The following PCDH15 variants were observed in gnomAD, a reference collection of about 807,000 sequenced individuals.
PCDH15 encodes the protein protocadherin related 15.
A neutral mutation model predicts 178.5 loss-of-function variants in PCDH15; 129 were observed. The ratio of observed to expected loss-of-function variants is 0.72; its 90% CI spans 0.63 to 0.84. The LOEUF is 0.84. Among genes scored for constraint, PCDH15 ranks in the 40% least tolerant of loss-of-function variants. The probability of loss-of-function intolerance (pLI) is 0.00; values close to 1 mark genes in which losing one functional copy is unlikely to be tolerated. For synonymous variants in PCDH15, 800 were observed against 732.0 expected, an observed-to-expected ratio of 1.09 and a Z score of -1.50; for missense variants, 2,230 against 2,099.9, an observed-to-expected ratio of 1.06 and a Z score of -1.21.
intron 21 of PCDH15, among the ~76,000 whole-genome samples, chr10:53,967,486 G>C (rs901871415): frequency 6.6e-6 from 1 of 152,078 alleles, no homozygotes; most frequent in African/African-American, 2.4e-5. Flanking sequence ...TGCCCAGGTT[G>C]GTCCAGAACT....
chr10:53,980,761 C>T (rs1050684327), intron 21 of PCDH15, among the ~76,000 whole-genome samples: 4 of 152,142 alleles, frequency 2.6e-5, no homozygotes, highest in Admixed American at 6.6e-5. Context: ...AAAACAACAA[C>T]ACTAGTGACA....
At chr10:55,549,530 C>T (rs1048136754) in intron 2 of PCDH15, among the ~76,000 whole-genome samples, 1 of 152,064 alleles carries the variant, frequency 6.6e-6, no homozygotes, top group African/African-American at 2.4e-5. Flanking sequence ...ACACCACCAA[C>T]AGCACAGGGA....
At chr10:54,268,094 G>C (rs1268449114) in intron 8 of PCDH15, among the ~76,000 whole-genome samples, 2 of 151,712 alleles carry the variant, frequency 1.3e-5, no homozygotes, top group African/African-American at 4.8e-5. Flanking sequence ...TAGACCAATG[G>C]AACAGAATAG....
chr10:55,440,021 T>C (rs760925424), intron 2 of PCDH15, among the ~76,000 whole-genome samples: 1 of 152,172 alleles, frequency 6.6e-6, no homozygotes. Flanking sequence ...AGCTCACTTA[T>C]TAAAAACAAA....
chr10:53,894,357 G>A (rs1014693942), intron 26 of PCDH15, among the ~76,000 whole-genome samples: 3 of 152,142 alleles, frequency 2.0e-5, no homozygotes, highest in African/African-American at 7.2e-5. Flanking sequence ...AAAACATGAA[G>A]GAAACCAGAC....
chr10:54,814,613 C>T (rs534870463), intron 3 of PCDH15, among the ~76,000 whole-genome samples: 1 of 152,210 alleles, frequency 6.6e-6, no homozygotes, highest in East Asian at 1.9e-4. Context: ...CTGGTCAACA[C>T]TTTCTTCATC....
At chr10:54,338,577 G>A (rs541622419) in intron 6 of PCDH15, among the ~76,000 whole-genome samples, 2 of 152,136 alleles carry the variant, frequency 1.3e-5, no homozygotes, top group East Asian at 1.9e-4. Context: ...AAAGCTACGG[G>A]GAGTCAAACA....
In PCDH15 at chr10:54,152,684, CTGTG is replaced by C. The variant is rs553644491; in HGVS notation, c.1784+412_1784+415del. Among the ~76,000 whole-genome samples, 294 of 149,258 alleles carry C rather than the reference CTGTG, an allele frequency of 2.0e-3. 11 individuals carry two copies. In the South Asian group the frequency reaches 0.055, roughly 28 times the overall value. On this transcript the variant is annotated intron_variant, in intron 14 of 37. Coordinates refer to ENST00000644397, the MANE Select transcript of PCDH15 (RefSeq NM_001384140.1). ...TAATAGCAGGAAATCTTTTAGCTTG[CTGTG>C]TGTGTGTGTGTGTGTGTCTGTGTGC...
chr10:54,937,116 C>T (rs1837927423), intron 2 of PCDH15, among the ~76,000 whole-genome samples: 2 of 151,918 alleles, frequency 1.3e-5, no homozygotes, highest in Non-Finnish European at 2.9e-5. Context: ...ATTGAAATCT[C>T]GCAATACTCT....
chr10:54,301,237 A>T (rs1293760371), intron 8 of PCDH15, among the ~76,000 whole-genome samples: 2 of 152,194 alleles, frequency 1.3e-5, no homozygotes, highest in Non-Finnish European at 2.9e-5. Context: ...CCTAGGCTTC[A>T]TCCAAAACAT....
At chr10:54,077,409 TTTCC>T (rs1466478181) in intron 17 of PCDH15, among the ~76,000 whole-genome samples, 5 of 152,194 alleles carry the variant, frequency 3.3e-5, no homozygotes, top group Non-Finnish European at 7.3e-5. Context: ...TTGTGACTAT[TTTCC>T]TTCCATCTGT....
intron 3 of PCDH15, among the ~76,000 whole-genome samples, chr10:54,401,793 T>A (rs1373277938): frequency 6.6e-6 from 1 of 151,874 alleles, no homozygotes; most frequent in Non-Finnish European, 1.5e-5. Flanking sequence ...TATATGCCCA[T>A]AATTTATGAC....
intron 3 of PCDH15, among the ~76,000 whole-genome samples, chr10:54,511,660 C>T (rs541755142): frequency 4.0e-4 from 61 of 152,072 alleles, no homozygotes; most frequent in Non-Finnish European, 6.6e-4. Context: ...TCTTTGAACT[C>T]CTGGAATTTT....
chr10:54,385,270 A>T (rs962277184), intron 3 of PCDH15, among the ~76,000 whole-genome samples: 5 of 152,170 alleles, frequency 3.3e-5, no homozygotes, highest in South Asian at 2.1e-4. Context: ...AATCATTCAG[A>T]TTAACAATTC....
chr10:54,053,881 T>C (rs1278117965), intron 18 of PCDH15, among the ~76,000 whole-genome samples: 1 of 152,068 alleles, frequency 6.6e-6, no homozygotes, highest in East Asian at 1.9e-4. Flanking sequence ...GCTGTAGCAA[T>C]AGTTCAAGTG....
Position 53,959,793 on chromosome 10 carries a change from T to C in PCDH15, c.3061A>G (p.Thr1021Ala). ...GGATGTAAGACAAGAATCTTCACTG[T>C]GGCACTGCTGGACATCACAGGCTCC... is the stretch of plus-strand genomic sequence containing the variant. ...DGEPVMSSSA[T>A]VKILVLHPGE... Residue 1021 changes from threonine to alanine, a missense_variant, in exon 23 of 38, where the codon ACA (threonine) becomes GCA (alanine). Physicochemically the swap from Thr to Ala is moderately conservative, Grantham distance 58. Transcript: ENST00000644397. The C allele has an allele frequency of 6.2e-7, 1 of 1,614,150 alleles. No homozygotes were observed.
chr10:54,069,830 G>T (rs936626152), intron 17 of PCDH15, among the ~76,000 whole-genome samples: 5 of 152,050 alleles, frequency 3.3e-5, no homozygotes, highest in African/African-American at 1.2e-4. Context: ...TTAAAAATTA[G>T]CAAATGAAAA....
At chr10:54,474,618 G>A (rs879383821) in intron 3 of PCDH15, among the ~76,000 whole-genome samples, 2 of 151,992 alleles carry the variant, frequency 1.3e-5, no homozygotes, top group Non-Finnish European at 2.9e-5. Context: ...AGGAAGAACA[G>A]TCTATGACTG....
chr10:55,477,303 T>A (rs1221318262), intron 2 of PCDH15, among the ~76,000 whole-genome samples: 1 of 151,840 alleles, frequency 6.6e-6, no homozygotes, highest in East Asian at 1.9e-4. Context: ...TTCCTTTCAG[T>A]GTGACTCCTC....
Sources: allele counts gnomAD v4.1 joint callset (sites outside exome capture counted in the v4.1 genomes callset), GRCh38; gene constraint gnomAD v4.1.1; transcripts MANE v1.5; gene names NCBI Gene and HGNC (gene_info 2026-07-23, HGNC 2026-07-21).